The following GRID2 variants were observed in gnomAD, a reference collection of about 807,000 sequenced individuals.
GRID2 encodes glutamate ionotropic receptor delta type subunit 2, also known as glutamate receptor ionotropic, delta-2.
A neutral mutation model predicts 114.8 loss-of-function variants in GRID2; 33 were observed. That is an observed-to-expected ratio of 0.29 (90% CI 0.22 to 0.38). The LOEUF (loss-of-function observed/expected upper bound fraction) is 0.38. Among genes scored for constraint, GRID2 ranks in the 10% least tolerant of loss-of-function variants. GRID2 has a pLI of 1.00. For missense variants in GRID2, 1,184 were observed against 1,257.7 expected (o/e 0.94, Z 0.89); for synonymous variants, 505 against 449.9 (o/e 1.12, Z -1.55).
intron 2 of GRID2, among the ~76,000 whole-genome samples, chr4:92,733,986 T>G (rs1015486267): frequency 5.9e-5 from 9 of 152,020 alleles, no homozygotes; most frequent in Non-Finnish European, 4.4e-5. Flanking sequence ...AAAGGGAAGA[T>G]CTATCCACCA....
chr4:92,796,814 T>C (rs867354557), intron 2 of GRID2, among the ~76,000 whole-genome samples: 1 of 151,860 alleles, frequency 6.6e-6, no homozygotes, highest in South Asian at 2.1e-4. Context: ...TTTAGACTTT[T>C]CCCCTTCCTC....
At chr4:92,541,785 T>TG (rs911974340) in intron 1 of GRID2, among the ~76,000 whole-genome samples, 1 of 151,798 alleles carries the variant, frequency 6.6e-6, no homozygotes, top group African/African-American at 2.4e-5. Flanking sequence ...CAGATATTTC[T>TG]GGAAAAAAAA....
intron 1 of GRID2, among the ~76,000 whole-genome samples, chr4:92,437,594 T>A (rs934023067): frequency 1.3e-5 from 2 of 152,240 alleles, no homozygotes; most frequent in African/African-American, 4.8e-5. Flanking sequence ...TATTATTAAA[T>A]GTTTGAGTGG....
chr4:92,842,898 G>A (rs529081927), intron 2 of GRID2, among the ~76,000 whole-genome samples: 2 of 151,964 alleles, frequency 1.3e-5, no homozygotes, highest in Non-Finnish European at 2.9e-5. Flanking sequence ...AGGCATTTAG[G>A]GGATGTGTAT....
intron 3 of GRID2, among the ~76,000 whole-genome samples, chr4:93,100,991 G>A (rs1490280834): frequency 1.3e-5 from 2 of 151,962 alleles, no homozygotes; most frequent in Non-Finnish European, 2.9e-5. Context: ...ACAGTCTGTG[G>A]TATCATCAGA....
chr4:92,794,800 A>T (rs948357370), intron 2 of GRID2, among the ~76,000 whole-genome samples: 3 of 150,006 alleles, frequency 2.0e-5, no homozygotes, highest in Non-Finnish European at 3.0e-5. Flanking sequence ...ACTACACAAA[A>T]ACTTAACTAT....
chr4:92,321,419 G>A (rs112587900), intron 1 of GRID2, among the ~76,000 whole-genome samples: 6 of 152,314 alleles, frequency 3.9e-5, no homozygotes, highest in African/African-American at 1.4e-4. Flanking sequence ...GTGGATCCAC[G>A]TAAGCCAAGT....
At chr4:92,684,239 T>G (rs2149287108) in intron 2 of GRID2, among the ~76,000 whole-genome samples, 1 of 152,128 alleles carries the variant, frequency 6.6e-6, no homozygotes, top group South Asian at 2.1e-4. Flanking sequence ...GGGTTATGTT[T>G]GAAGTGCTTA....
At chr4:92,712,787 G>A (rs1286605891) in intron 2 of GRID2, among the ~76,000 whole-genome samples, 2 of 151,590 alleles carry the variant, frequency 1.3e-5, no homozygotes, top group Admixed American at 6.6e-5. Flanking sequence ...ATTTCTTTAG[G>A]TAAATGTATA....
At chr4:93,680,100 C>T (rs990890456) in intron 14 of GRID2, among the ~76,000 whole-genome samples, 8 of 148,942 alleles carry the variant, frequency 5.4e-5, no homozygotes, top group Non-Finnish European at 8.9e-5. Flanking sequence ...GGGGATATCA[C>T]TGCCAATCCC....
At chr4:93,278,389 G>T (rs1202050754) in intron 8 of GRID2, among the ~76,000 whole-genome samples, 1 of 151,968 alleles carries the variant, frequency 6.6e-6, no homozygotes, top group South Asian at 2.1e-4. Context: ...GGGTTTGAGA[G>T]ATAGTCGTTA....
rs921431170 is a variant in GRID2, at chr4:92,354,113, A to G, written c.88+49369A>G. ...GAACATATCTACACAATAATTTGTG[A>G]AAAAGCTCTGCTCTGCTGCCTCCAG... is the stretch of plus-strand genomic sequence containing the variant. On this transcript the variant is annotated intron_variant, in intron 1 of 15. Transcript: ENST00000282020. Among the ~76,000 whole-genome samples, 3 of 151,984 alleles carry G rather than the reference A, an allele frequency of 2.0e-5. No individual in the cohort carries two copies. In the South Asian group the frequency reaches 6.2e-4, roughly 31 times the overall value.
In GRID2 at chr4:93,570,686, G is replaced by T. The variant is rs182234842; in HGVS notation, c.2193+55275G>T. On this transcript the variant is annotated intron_variant, in intron 13 of 15. Coordinates refer to ENST00000282020, the MANE Select transcript of GRID2 (RefSeq NM_001510.4). ...CCATGAATATGTACAATTGTTATTTGTCAGCTAAGAACTACATTAAAAATA... is the reference window on the plus strand; with the variant it reads ...CCATGAATATGTACAATTGTTATTTTTCAGCTAAGAACTACATTAAAAATA... 1.9e-4 allele frequency among the ~76,000 whole-genome samples: 29 copies of T among 152,160 alleles called. No individual in the cohort carries two copies. The East Asian group carries it at 2.5e-3, about 13-fold the overall frequency.
intron 14 of GRID2, among the ~76,000 whole-genome samples, chr4:93,704,458 C>T (rs1727813209): frequency 6.6e-6 from 1 of 152,162 alleles, no homozygotes; most frequent in South Asian, 2.1e-4. Context: ...CCTGTTCACT[C>T]TGATGGTAGT....
intron 7 of GRID2, among the ~76,000 whole-genome samples, chr4:93,225,271 A>G (rs1745360890): frequency 1.3e-5 from 2 of 152,152 alleles, no homozygotes; most frequent in African/African-American, 4.8e-5. Flanking sequence ...AACTGATTGC[A>G]TTATTCCTCT....
In GRID2 at chr4:93,680,157, C is replaced by T. The variant is rs537859715; in HGVS notation, c.2360+53722C>T. On this transcript the variant is annotated intron_variant, in intron 14 of 15. Transcript: ENST00000282020. Reference sequence around the variant, plus strand: ...AGAGAATACTATAAACACCTCTACACGAATAAACTAGAAAATCTAGAAGAA... The same window carrying T: ...AGAGAATACTATAAACACCTCTACATGAATAAACTAGAAAATCTAGAAGAA... Among the ~76,000 whole-genome samples, 560 of 152,040 alleles carry T rather than the reference C, an allele frequency of 3.7e-3. 6 individuals are homozygous for T. Among genetic ancestry groups the T allele is most frequent in the African/African-American group, 0.011 (458 of 41,356 alleles).
intron 9 of GRID2, among the ~76,000 whole-genome samples, chr4:93,399,707 A>G (rs1341222583): frequency 6.6e-6 from 1 of 152,080 alleles, no homozygotes; most frequent in Admixed American, 6.6e-5. Flanking sequence ...TACCAAAATC[A>G]GGCTATGAGG....
At chr4:93,622,542 G>A (rs141157460) in intron 13 of GRID2, among the ~76,000 whole-genome samples, 32 of 152,192 alleles carry the variant, frequency 2.1e-4, no homozygotes, top group African/African-American at 6.3e-4. Flanking sequence ...GGTAGTCTTC[G>A]CATCACATTG....
intron 2 of GRID2, among the ~76,000 whole-genome samples, chr4:92,682,810 C>A (rs1390426173): frequency 6.6e-6 from 1 of 151,930 alleles, no homozygotes; most frequent in Non-Finnish European, 1.5e-5. Context: ...TGAGGACATC[C>A]TTATGTCACT....
Sources: allele counts gnomAD v4.1 joint callset (sites outside exome capture counted in the v4.1 genomes callset), GRCh38; gene constraint gnomAD v4.1.1; transcripts MANE v1.5; gene names NCBI Gene and HGNC (gene_info 2026-07-23, HGNC 2026-07-21).